CCDC14: variants seen among roughly 807,000 people sequenced by gnomAD.
CCDC14 encodes the protein coiled-coil domain-containing protein 14.
In CCDC14, 71 loss-of-function variants were observed where a neutral mutation model predicts 81.4. That is an observed-to-expected ratio of 0.87 (90% CI 0.72 to 1.06). CCDC14 has a LOEUF of 1.06. CCDC14 is among the 50% of genes least tolerant of loss of function. CCDC14 has a pLI of 0.00. For missense variants in CCDC14, 1,046 were observed against 1,047.3 expected, an observed-to-expected ratio of 1.00 and a Z score of 0.02; for synonymous variants, 332 against 364.8, an observed-to-expected ratio of 0.91 and a Z score of 1.03.
chr3:123,952,270 A>G (rs1266895198), intron 5 of CCDC14, among the ~76,000 whole-genome samples: 2 of 152,214 alleles, frequency 1.3e-5, no homozygotes, highest in African/African-American at 4.8e-5. Flanking sequence ...ACTCGAATAT[A>G]GAACAAACAT....
At chr3:123,930,921 T>G (rs1377156495) in intron 12 of CCDC14, 181 bp downstream of exon 12, 1 of 568,564 alleles carries the variant, frequency 1.8e-6, no homozygotes, top group African/African-American at 2.0e-5. Flanking sequence ...TTTCGCCAGG[T>G]TTGAAATTCC....
intron 1 of CCDC14, among the ~76,000 whole-genome samples, chr3:123,960,450 G>T (rs1218516976): frequency 6.6e-6 from 1 of 152,166 alleles, no homozygotes; most frequent in Non-Finnish European, 1.5e-5. Flanking sequence ...TTCCACAGCT[G>T]TGTAACTGCC....
chr3:123,926,211 A>G (rs574596014), intron 12 of CCDC14, among the ~76,000 whole-genome samples: 24 of 152,254 alleles, frequency 1.6e-4, no homozygotes, highest in African/African-American at 5.8e-4. Context: ...AGCAATTACT[A>G]ATCTTCTGAT....
At chr3:123,946,481 T>C (rs1198922243) in intron 8 of CCDC14, among the ~76,000 whole-genome samples, 1 of 152,134 alleles carries the variant, frequency 6.6e-6, no homozygotes, top group African/African-American at 2.4e-5. Flanking sequence ...GAGTTAATCA[T>C]TTATAGGCAT....
chr3:123,905,457 A>ACTT (rs1159825833), intron 5 of CCDC14, among the ~76,000 whole-genome samples: 20 of 152,292 alleles, frequency 1.3e-4, no homozygotes, highest in African/African-American at 4.8e-4. Flanking sequence ...AGCGGCTAAC[A>ACTT]ACAGGTGCAG....
intron 9 of CCDC14, among the ~76,000 whole-genome samples, chr3:123,943,368 A>G (rs1345575190): frequency 6.6e-6 from 1 of 152,058 alleles, no homozygotes; most frequent in Non-Finnish European, 1.5e-5. Flanking sequence ...CAGGCCTCAG[A>G]AAACAGAATC....
At chr3:123,904,651 C>T (rs1408376180) in intron 5 of CCDC14, among the ~76,000 whole-genome samples, 1 of 146,934 alleles carries the variant, frequency 6.8e-6, no homozygotes, top group Non-Finnish European at 1.5e-5. Context: ...GGATGTGCAA[C>T]TGTAACAAAA....
intron 12 of CCDC14, among the ~76,000 whole-genome samples, chr3:123,920,808 G>A (rs919993202): frequency 2.0e-5 from 3 of 151,956 alleles, no homozygotes; most frequent in African/African-American, 7.3e-5. Context: ...CCTTAATGGT[G>A]GTATGTAAAG....
chr3:123,924,255 ATTC>A (rs1216968325), intron 12 of CCDC14, among the ~76,000 whole-genome samples: 1 of 152,158 alleles, frequency 6.6e-6, no homozygotes, highest in Non-Finnish European at 1.5e-5. Flanking sequence ...ATGGAATTGG[ATTC>A]TTATTTCACA....
At chr3:123,897,574 A>G (rs2034091158) in exon 6 of CCDC14, 1 of 1,201,046 alleles carries the variant, frequency 8.3e-7, no homozygotes, top group Non-Finnish European at 1.1e-6. Context: ...GCTTTTGTGT[A>G]AGACTTTGCA....
intron 12 of CCDC14, among the ~76,000 whole-genome samples, chr3:123,916,399 C>G (rs1274730420): frequency 6.6e-6 from 1 of 151,504 alleles, no homozygotes; most frequent in Non-Finnish European, 1.5e-5. Flanking sequence ...GGCTAAGATA[C>G]AAAGGGAAAC....
At chr3:123,936,532 T>C (rs1008634368) in intron 9 of CCDC14, among the ~76,000 whole-genome samples, 1 of 152,154 alleles carries the variant, frequency 6.6e-6, no homozygotes, top group Non-Finnish European at 1.5e-5. Flanking sequence ...TCATGTTTTT[T>C]TGCAAGAACA....
intron 12 of CCDC14, among the ~76,000 whole-genome samples, chr3:123,919,640 A>G (rs984448160): frequency 2.6e-5 from 4 of 152,210 alleles, no homozygotes; most frequent in African/African-American, 9.7e-5. Flanking sequence ...CAATAGCTCC[A>G]CTGACCTCAA....
intron 5 of CCDC14, among the ~76,000 whole-genome samples, chr3:123,907,929 CTCT>C (rs2034354394): frequency 6.6e-6 from 1 of 151,758 alleles, no homozygotes; most frequent in Non-Finnish European, 1.5e-5. Context: ...TGGAGTTGTA[CTCT>C]TCTTAGTTTC....
At chr3:123,919,695 C>A (rs1422522489) in intron 12 of CCDC14, among the ~76,000 whole-genome samples, 3 of 152,212 alleles carry the variant, frequency 2.0e-5, no homozygotes, top group Non-Finnish European at 4.4e-5. Context: ...GCAAGGTCTG[C>A]CTGCCTATAG....
At chr3:123,933,629 G>A (rs6784695) in intron 10 of CCDC14, 44 bp downstream of exon 10, 1,020,232 of 1,316,842 alleles carry the variant, frequency 0.77, 397,572 homozygotes, top group African/African-American at 0.94. Context: ...CAACATTTCC[G>A]GAGCCACAAA....
chr3:123,905,443 G>C (rs1271298445), intron 5 of CCDC14, among the ~76,000 whole-genome samples: 20 of 152,302 alleles, frequency 1.3e-4, no homozygotes, highest in African/African-American at 4.8e-4. Flanking sequence ...GGCAGGGCTT[G>C]AAGAGCGGCT....
At chr3:123,945,072 T>C in intron 8 of CCDC14, 82 bp from the exon 9 acceptor site, 1 of 784,488 alleles carries the variant, frequency 1.3e-6, no homozygotes, top group South Asian at 3.3e-5. Context: ...AAAAAGAAAA[T>C]CTTTATAGAT....
intron 5 of CCDC14, 91 bp from the exon 6 acceptor site, chr3:123,949,223 A>C: frequency 1.4e-6 from 1 of 718,400 alleles, no homozygotes; most frequent in Non-Finnish European, 2.3e-6. Flanking sequence ...TCTCAGAAGT[A>C]GTCCAATCCA....
Sources: gnomAD v4.1 joint callset for allele counts (sites outside exome capture counted in the v4.1 genomes callset) on GRCh38, gnomAD v4.1.1 for gene constraint, MANE v1.5 for transcripts, NCBI Gene and HGNC (gene_info 2026-07-23, HGNC 2026-07-21) for gene names.